The following LRRTM4 variants were observed in gnomAD, a reference collection of about 807,000 sequenced individuals.
LRRTM4 encodes the protein leucine-rich repeat transmembrane neuronal protein 4.
LRRTM4 carries 25 observed loss-of-function variants against 47.6 expected under a neutral mutation model. The ratio of observed to expected loss-of-function variants is 0.53; its 90% CI spans 0.38 to 0.73. The LOEUF (loss-of-function observed/expected upper bound fraction) is 0.73. Among genes scored for constraint, LRRTM4 ranks in the 30% least tolerant of loss-of-function variants. The pLI is 0.00. For missense variants in LRRTM4, 638 were observed against 713.4 expected (o/e 0.89, Z 1.20); for synonymous variants, 311 against 269.5 (o/e 1.15, Z -1.51).
intron 3 of LRRTM4, among the ~76,000 whole-genome samples, chr2:77,205,708 C>T (rs537908584): frequency 4.6e-5 from 7 of 152,214 alleles, no homozygotes; most frequent in Admixed American, 1.3e-4. Flanking sequence ...ACGAAGTTTT[C>T]GAGCAGGTTT....
intron 3 of LRRTM4, among the ~76,000 whole-genome samples, chr2:76,841,576 G>A (rs1453857442): frequency 1.3e-5 from 2 of 150,754 alleles, no homozygotes; most frequent in African/African-American, 2.4e-5. Context: ...AAATTTAAAT[G>A]CAATATAATT....
chr2:76,949,956 G>A lies in LRRTM4; in HGVS notation c.1552-201040C>T, dbSNP rs185794812. On this transcript the variant is annotated intron_variant, in intron 3 of 3. Transcript: ENST00000409884. ...AAAAGCAAAATGCAGGAAAAGTAGA[G>A]ATAAGATAGAAGACAAAATATATAA... 8.6e-4 allele frequency among the ~76,000 whole-genome samples: 130 copies of A among 151,952 alleles called. 2 individuals are homozygous for A. The highest frequency in any genetic ancestry group is 3.0e-3 in the African/African-American group (126 of 41,506).
chr2:77,234,970 A>G (rs1346831345), intron 3 of LRRTM4, among the ~76,000 whole-genome samples: 6 of 152,098 alleles, frequency 3.9e-5, no homozygotes, highest in Non-Finnish European at 8.8e-5. Context: ...CTTATAAGTG[A>G]TAACAGGCAG....
chr2:77,149,180 AACAAT>A (rs1672350142), intron 3 of LRRTM4, among the ~76,000 whole-genome samples: 1 of 152,144 alleles, frequency 6.6e-6, no homozygotes, highest in African/African-American at 2.4e-5. Context: ...AACAAAACAA[AACAAT>A]ACCACTGGAT....
At chr2:77,316,917 T>C (rs908054859) in intron 3 of LRRTM4, among the ~76,000 whole-genome samples, 1 of 152,254 alleles carries the variant, frequency 6.6e-6, no homozygotes, top group Admixed American at 6.5e-5. Flanking sequence ...CTTGCAATTC[T>C]ACTTTTAGAT....
At chr2:77,278,191 A>C (rs1273302091) in intron 3 of LRRTM4, among the ~76,000 whole-genome samples, 2 of 151,930 alleles carry the variant, frequency 1.3e-5, no homozygotes, top group African/African-American at 4.8e-5. Flanking sequence ...CCTTTAATCA[A>C]CAATGTCACC....
intron 3 of LRRTM4, among the ~76,000 whole-genome samples, chr2:77,357,969 T>C (rs1263471581): frequency 6.6e-6 from 1 of 152,162 alleles, no homozygotes; most frequent in Non-Finnish European, 1.5e-5. Context: ...ATATATACTT[T>C]GGACAAAATT....
chr2:76,942,673 A>AGTGTGTGT (rs1558753067), intron 3 of LRRTM4, among the ~76,000 whole-genome samples: 3 of 77,550 alleles, frequency 3.9e-5, no homozygotes, highest in African/African-American at 2.9e-4. Context: ...AACCTCTAGG[A>AGTGTGTGT]ATCTGTGTGT....
chr2:77,376,150 A>C (rs1470797317), intron 3 of LRRTM4, among the ~76,000 whole-genome samples: 2 of 151,858 alleles, frequency 1.3e-5, no homozygotes, highest in African/African-American at 2.4e-5. Context: ...TGTTAGATTT[A>C]GTCTTAGGTA....
intron 3 of LRRTM4, among the ~76,000 whole-genome samples, chr2:77,042,666 TATGATG>T (rs10555098): frequency 0.035 from 5,230 of 151,446 alleles, 293 homozygotes; most frequent in African/African-American, 0.12. Context: ...ATGCCATTCT[TATGATG>T]ATAAGTAAAT....
Position 76,783,614 on chromosome 2 carries a change from T to TTCTC in LRRTM4, c.1552-34702_1552-34699dup, listed in dbSNP as rs551653545. Among the ~76,000 whole-genome samples, 440 of 152,276 alleles carry TTCTC rather than the reference T, an allele frequency of 2.9e-3. 3 individuals are homozygous for TTCTC. The highest frequency in any genetic ancestry group is 9.8e-3 in the African/African-American group (409 of 41,564). ...GAATTAACATGCTAATGTGAAAAGT[T>TTCTC]TCTCTGAAACTAAACAAGGAAATTA... On this transcript the variant is annotated intron_variant, in intron 3 of 3. Transcript: ENST00000409884.
At chr2:77,457,615 G>A (rs1022147793) in intron 3 of LRRTM4, among the ~76,000 whole-genome samples, 2 of 151,954 alleles carry the variant, frequency 1.3e-5, no homozygotes, top group Non-Finnish European at 2.9e-5. Context: ...ATCTAATGCT[G>A]TATCTGGTAC....
intron 3 of LRRTM4, among the ~76,000 whole-genome samples, chr2:77,212,978 ATACAGACTATATACTC>A (rs1674336700): frequency 6.6e-6 from 1 of 152,114 alleles, no homozygotes; most frequent in African/African-American, 2.4e-5. Flanking sequence ...TTCATTAGAA[ATACAGACTATATACTC>A]TTTGAAGATT....
chr2:77,434,273 A>G (rs557872447), intron 3 of LRRTM4, among the ~76,000 whole-genome samples: 1 of 152,234 alleles, frequency 6.6e-6, no homozygotes, highest in Admixed American at 6.5e-5. Context: ...TCCACATGTC[A>G]GAGCAGAATG....
chr2:76,814,922 A>G (rs1175796047), intron 3 of LRRTM4, among the ~76,000 whole-genome samples: 3 of 152,124 alleles, frequency 2.0e-5, no homozygotes, highest in Non-Finnish European at 4.4e-5. Flanking sequence ...TAAAACAAAT[A>G]AAAGAATATA....
At chr2:76,969,676 T>C (rs908209770) in intron 3 of LRRTM4, among the ~76,000 whole-genome samples, 4 of 151,942 alleles carry the variant, frequency 2.6e-5, no homozygotes, top group East Asian at 1.9e-4. Context: ...GTAATTACAA[T>C]GATGGTGATT....
At chr2:77,306,888 C>T (rs894957013) in intron 3 of LRRTM4, among the ~76,000 whole-genome samples, 6 of 140,792 alleles carry the variant, frequency 4.3e-5, no homozygotes, top group Admixed American at 4.2e-4. Flanking sequence ...CTATATACTG[C>T]TTTTCCATAT....
intron 3 of LRRTM4, among the ~76,000 whole-genome samples, chr2:77,103,667 A>ATGTATATATATATATATATC (rs1553389714): frequency 6.8e-6 from 1 of 146,274 alleles, no homozygotes; most frequent in African/African-American, 2.6e-5. Context: ...ATATATAGAT[A>ATGTATATATATATATATATC]TATATATCAC....
At chr2:77,305,777 T>C (rs1217088851) in intron 3 of LRRTM4, among the ~76,000 whole-genome samples, 1 of 152,126 alleles carries the variant, frequency 6.6e-6, no homozygotes, top group African/African-American at 2.4e-5. Flanking sequence ...CAAAGTATTA[T>C]GTTTAAATAA....
Sources: gnomAD v4.1 joint callset for allele counts (sites outside exome capture counted in the v4.1 genomes callset) on GRCh38, gnomAD v4.1.1 for gene constraint, MANE v1.5 for transcripts, NCBI Gene and HGNC (gene_info 2026-07-23, HGNC 2026-07-21) for gene names.